The following EEIG1 variants were observed in gnomAD, a reference collection of about 807,000 sequenced individuals.
EEIG1 encodes early estrogen-induced gene 1 protein.
chr9:127,953,238 T>C, the EEIG1 span: 1 of 325,702 alleles, frequency 3.1e-6, no homozygotes, highest in Non-Finnish European at 5.6e-6. Flanking sequence ...CTGCTCTCTT[T>C]GTATGGTATA....
At chr9:127,943,392 C>A in the EEIG1 span, 2 of 689,484 alleles carry the variant, frequency 2.9e-6, no homozygotes, top group Non-Finnish European at 5.2e-6. Flanking sequence ...ATGGTAAGTC[C>A]CTTGCCCACA....
the EEIG1 span, chr9:127,943,377 C>T: frequency 7.8e-6 from 6 of 766,328 alleles, no homozygotes; most frequent in African/African-American, 1.0e-4. Flanking sequence ...AACCGTGCCC[C>T]AGCGATGGTA....
chr9:127,949,192 T>C, the EEIG1 span, among the ~76,000 whole-genome samples: 86 of 151,246 alleles, frequency 5.7e-4, no homozygotes, highest in Non-Finnish European at 1.1e-3. Flanking sequence ...CGGGCACCTG[T>C]AGTCCCAGCT....
chr9:127,974,071 T>C, the EEIG1 span, among the ~76,000 whole-genome samples: 2 of 152,176 alleles, frequency 1.3e-5, no homozygotes, highest in South Asian at 2.1e-4. Context: ...TTGGCCACTG[T>C]GCCCCCATCC....
the EEIG1 span, among the ~76,000 whole-genome samples, chr9:127,964,889 G>C: frequency 5.9e-5 from 9 of 152,006 alleles, no homozygotes; most frequent in South Asian, 1.7e-3. Flanking sequence ...ATCACCTGAG[G>C]TCAGGAGTTC....
chr9:127,943,013 C>A, the EEIG1 span: 1 of 653,614 alleles, frequency 1.5e-6, no homozygotes, highest in Middle Eastern at 2.8e-4. Flanking sequence ...CAGGAGGGTC[C>A]CAGCATGGAT....
At chr9:127,953,562 C>T in the EEIG1 span, 1 of 1,613,730 alleles carries the variant, frequency 6.2e-7, no homozygotes. Context: ...CCCCTTCACA[C>T]AGCCCCTCTT....
At chr9:127,956,134 C>T in the EEIG1 span, among the ~76,000 whole-genome samples, 1 of 152,256 alleles carries the variant, frequency 6.6e-6, no homozygotes, top group East Asian at 1.9e-4. Flanking sequence ...AGTGGGGGCC[C>T]TAGGCTGGGG....
At chr9:127,956,659 C>T in the EEIG1 span, among the ~76,000 whole-genome samples, 6 of 152,014 alleles carry the variant, frequency 3.9e-5, no homozygotes, top group Non-Finnish European at 7.4e-5. Context: ...GATCTGCCCC[C>T]CTTGGCCTCC....
At chr9:127,968,310 G>A in the EEIG1 span, among the ~76,000 whole-genome samples, 732 of 152,238 alleles carry the variant, frequency 4.8e-3, 11 homozygotes, top group African/African-American at 0.017. Flanking sequence ...TCATGGGGCT[G>A]CCTCTGTCCT....
chr9:127,948,094 G>A, the EEIG1 span: 1 of 1,612,410 alleles, frequency 6.2e-7, no homozygotes, highest in Non-Finnish European at 8.5e-7. Context: ...AGTGGGCCGA[G>A]CCTTGGGGGG....
the EEIG1 span, among the ~76,000 whole-genome samples, chr9:127,979,784 GACTAGA>G: frequency 3.6e-4 from 55 of 152,344 alleles, no homozygotes; most frequent in Non-Finnish European, 5.9e-4. Context: ...AAGGCTGAAA[GACTAGA>G]CCCCCAGGTA....
chr9:127,942,825 C>G, the EEIG1 span: 16 of 307,382 alleles, frequency 5.2e-5, no homozygotes, highest in African/African-American at 3.4e-4. Flanking sequence ...CCACAGGCAT[C>G]TCTACATTTA....
the EEIG1 span, chr9:127,945,516 C>T: frequency 4.9e-5 from 77 of 1,569,284 alleles, no homozygotes; most frequent in South Asian, 6.4e-4. The surrounding 1 kb of genome is among the most constrained non-coding windows in gnomAD (Gnocchi z 6.5). Flanking sequence ...TGCGGCGGTG[C>T]GTCAGGTCTG....
At chr9:127,980,675 G>A in the EEIG1 span, among the ~76,000 whole-genome samples, 1 of 150,202 alleles carries the variant, frequency 6.7e-6, no homozygotes, top group African/African-American at 2.4e-5. Flanking sequence ...AGGTGAAGCC[G>A]GGGAAGGTGG....
At chr9:127,947,987 G>A in the EEIG1 span, 42 of 1,455,954 alleles carry the variant, frequency 2.9e-5, no homozygotes, top group South Asian at 5.2e-5. Flanking sequence ...CTCAGTCAGC[G>A]TCTCCCTGGG....
the EEIG1 span, among the ~76,000 whole-genome samples, chr9:127,949,825 C>A: frequency 6.6e-6 from 1 of 152,234 alleles, no homozygotes. Flanking sequence ...CCAGACATTT[C>A]TGTTCCCAAA....
chr9:127,977,310 G>A, the EEIG1 span, among the ~76,000 whole-genome samples: 1 of 152,216 alleles, frequency 6.6e-6, no homozygotes, highest in African/African-American at 2.4e-5. Flanking sequence ...AGGAAGAAGG[G>A]AAAACAGAGG....
At chr9:127,977,488 A>ATTATATTCCTCAAT in the EEIG1 span, among the ~76,000 whole-genome samples, 6 of 152,100 alleles carry the variant, frequency 3.9e-5, no homozygotes, top group Non-Finnish European at 8.8e-5. Context: ...CCTCAATGGG[A>ATTATATTCCTCAAT]TCCAAGACCC....
Sources: gnomAD v4.1 joint callset for allele counts (sites outside exome capture counted in the v4.1 genomes callset) on GRCh38, gnomAD v4.1.1 for gene constraint, Gnocchi (gnomAD v3.1) non-coding constraint, MANE v1.5 for transcripts, NCBI Gene and HGNC (gene_info 2026-07-23, HGNC 2026-07-21) for gene names.